ALDH1A2: variants seen among roughly 807,000 people sequenced by gnomAD.
ALDH1A2 encodes retinal dehydrogenase 2.
ALDH1A2 carries 27 observed loss-of-function variants against 60.3 expected under a neutral mutation model. The observed-to-expected ratio is 0.45, with a 90% confidence interval of 0.33 to 0.62. The LOEUF (loss-of-function observed/expected upper bound fraction) is 0.62, where lower values mean the gene tolerates loss of function less well. Ranked by LOEUF, ALDH1A2 falls within the 20% of genes least tolerant of loss-of-function variation. The pLI is 0.02. For synonymous variants in ALDH1A2, 289 were observed against 232.4 expected (o/e 1.24, Z -2.21); for missense variants, 581 against 643.8 (o/e 0.90, Z 1.06).
rs568753354 is a variant in ALDH1A2, at chr15:57,958,583, G to A, written c.1484+2187C>T. Among the ~76,000 whole-genome samples the A allele has an allele frequency of 9.8e-5, 15 of 152,296 alleles. No individual in the cohort carries two copies. In the South Asian group the frequency reaches 1.5e-3, roughly 15 times the overall value. ...GATGTTTCTGGAAGTGCCACTTCACGTCTCTGCTCCTCTTAGGGATAGACA... is the reference window on the plus strand; with the variant it reads ...GATGTTTCTGGAAGTGCCACTTCACATCTCTGCTCCTCTTAGGGATAGACA... On this transcript the variant is annotated intron_variant, in intron 12 of 12. Coordinates refer to ENST00000249750, the MANE Select transcript of ALDH1A2 (RefSeq NM_003888.4).
In ALDH1A2 at chr15:57,967,140, G is replaced by GA. The variant is rs1362496450; in HGVS notation, c.799-1314dup. On this transcript the variant is annotated intron_variant, in intron 7 of 12. Transcript: ENST00000249750. ...GCAGGCAGCGGAGAACCCCAGCTAG[G>GA]AGAAAAGGCTCTGGAGCCAGACTGC... 9.9e-5 allele frequency among the ~76,000 whole-genome samples: 15 copies of GA among 151,702 alleles called. No homozygotes were observed. The East Asian group carries it at 1.2e-3, about 12-fold the overall frequency.
intron 1 of ALDH1A2, among the ~76,000 whole-genome samples, chr15:58,050,370 A>G (rs902863248): frequency 6.6e-6 from 1 of 152,136 alleles, no homozygotes; most frequent in African/African-American, 2.4e-5. Flanking sequence ...TGCCCGTTTT[A>G]GCAAATAAAA....
intron 7 of ALDH1A2, among the ~76,000 whole-genome samples, chr15:57,977,781 T>A (rs1434829860): frequency 1.3e-5 from 2 of 151,738 alleles, no homozygotes; most frequent in Non-Finnish European, 2.9e-5. Context: ...CGGGATAGCA[T>A]TGAATTTATA....
At chr15:57,977,106 T>C (rs1272166477) in intron 7 of ALDH1A2, among the ~76,000 whole-genome samples, 1 of 152,180 alleles carries the variant, frequency 6.6e-6, no homozygotes, top group Non-Finnish European at 1.5e-5. Flanking sequence ...GTTTTTTTTT[T>C]TTTCTTGTAA....
intron 1 of ALDH1A2, among the ~76,000 whole-genome samples, chr15:58,055,019 G>C (rs1166262327): frequency 1.3e-5 from 2 of 152,094 alleles, no homozygotes; most frequent in African/African-American, 2.4e-5. Flanking sequence ...TGAAATATGG[G>C]ATTTGTAGTT....
rs1267700444 is a variant in ALDH1A2 at position 57,955,111 on chromosome 15, C to G, written c.*86G>C. The G allele has an allele frequency of 2.1e-6, 3 of 1,398,676 alleles. No individual in the cohort carries two copies. Among genetic ancestry groups the G allele is most frequent in the East Asian group, 2.3e-5 (1 of 43,852 alleles). The allele number at this position is 1,398,676 out of a possible 1,614,324, so 86.6% of individuals were successfully genotyped here. A position where few individuals can be genotyped will look rare whatever the true frequency, so the allele number is the denominator to read the frequency against. ...TCTTTAAGTAAGGACCGTGGCTCAA[C>G]TTTGTATTCCTGAGAGCTGGGCCCT... On this transcript the variant is annotated 3_prime_UTR_variant, in exon 13 of 13. Transcript: ENST00000249750.
At chr15:58,059,356 G>A (rs185278648) in intron 1 of ALDH1A2, among the ~76,000 whole-genome samples, 3 of 152,146 alleles carry the variant, frequency 2.0e-5, no homozygotes, top group African/African-American at 4.8e-5. Flanking sequence ...AAATAGCCAC[G>A]GCCTGGTGCT....
Position 57,965,765 on chromosome 15 carries a change from A to C in ALDH1A2, c.861T>G (p.Leu287=), listed in dbSNP as rs1194856632. ...AAATAATATTAGGACTTTTGCCTCC[A>C]AGTTCCAGAGTTACTCTCTTCAAAT... is the stretch of plus-strand genomic sequence containing the variant. The part of the protein sequence containing the change: ...RSNLKRVTLE[L]GGKSPNIIFA... Residue 287 remains leucine, a synonymous_variant, in exon 8 of 13, where the codon CTT becomes CTG. Coordinates refer to ENST00000249750, the MANE Select transcript of ALDH1A2 (RefSeq NM_003888.4). 6.2e-7 allele frequency: 1 copy of C among 1,614,186 alleles called. No individual in the cohort carries two copies. The highest frequency in any genetic ancestry group is 8.5e-7 in the Non-Finnish European group (1 of 1,180,000).
rs530206956 is a variant in ALDH1A2, at chr15:58,013,847, A to T, written c.363+11T>A. The T allele has an allele frequency of 4.3e-6, 7 of 1,614,158 alleles. No individual in the cohort carries two copies. The African/African-American group carries it at 5.3e-5, about 12-fold the overall frequency. ...TGGGTTAAAGACTTAATGTTTTCTT[A>T]GGTTACTTACTGCAAGAACTGCCCT... On this transcript the variant is annotated intron_variant, in intron 3 of 12. Transcript: ENST00000249750.
intron 7 of ALDH1A2, among the ~76,000 whole-genome samples, chr15:57,990,875 C>CAAAA (rs34227301): frequency 9.8e-5 from 11 of 111,784 alleles, no homozygotes; most frequent in South Asian, 3.2e-4. Flanking sequence ...AACTCCATCT[C>CAAAA]AAAAAAAAAA....
chr15:58,030,421 A>G (rs1199830702), intron 1 of ALDH1A2, among the ~76,000 whole-genome samples: 1 of 152,190 alleles, frequency 6.6e-6, no homozygotes, highest in Non-Finnish European at 1.5e-5. Context: ...TGACAAACTC[A>G]CAGCCAATAT....
chr15:58,041,091 T>C (rs989333407), intron 1 of ALDH1A2, among the ~76,000 whole-genome samples: 4 of 151,918 alleles, frequency 2.6e-5, no homozygotes, highest in African/African-American at 9.7e-5. Context: ...CATTTCAAAA[T>C]AAATTAATCA....
chr15:57,976,141 CG>C (rs1894248882), intron 7 of ALDH1A2, among the ~76,000 whole-genome samples: 1 of 152,218 alleles, frequency 6.6e-6, no homozygotes, highest in Admixed American at 6.5e-5. Context: ...AAGGAAACTA[CG>C]TAACATTTTT....
At chr15:58,044,344 C>G (rs1896589587) in intron 1 of ALDH1A2, among the ~76,000 whole-genome samples, 1 of 151,842 alleles carries the variant, frequency 6.6e-6, no homozygotes, top group South Asian at 2.1e-4. Flanking sequence ...TGTGATGTTC[C>G]CCTCCCTGTG....
intron 7 of ALDH1A2, among the ~76,000 whole-genome samples, chr15:57,991,775 T>A (rs1485517525): frequency 1.3e-5 from 2 of 152,238 alleles, no homozygotes; most frequent in African/African-American, 2.4e-5. Flanking sequence ...ATGACAAATG[T>A]TGCTCTCATT....
At position 58,060,279 on chromosome 15, in the gene ALDH1A2, AAT is replaced by A. The variant is rs759388503; in HGVS notation, c.117+5253_117+5254del. 2.4e-3 allele frequency among the ~76,000 whole-genome samples: 370 copies of A among 152,152 alleles called. 3 individuals carry two copies. The highest frequency in any genetic ancestry group is 8.7e-3 in the African/African-American group (361 of 41,494). On this transcript the variant is annotated intron_variant, in intron 1 of 12. Coordinates refer to ENST00000249750, the MANE Select transcript of ALDH1A2 (RefSeq NM_003888.4). ...TGGTTTCCATTAATTTAGATCTCTA[AAT>A]ATATATATAGTCATCACTTTGCAAA...
intron 7 of ALDH1A2, among the ~76,000 whole-genome samples, chr15:57,990,854 CA>C (rs1894873245): frequency 4.6e-5 from 3 of 65,724 alleles, no homozygotes; most frequent in Non-Finnish European, 8.9e-5. Flanking sequence ...CCAGCCTGGG[CA>C]AAAGAGTGAA....
intron 1 of ALDH1A2, among the ~76,000 whole-genome samples, chr15:58,038,159 C>T (rs1322132170): frequency 5.3e-5 from 8 of 151,606 alleles, no homozygotes; most frequent in African/African-American, 1.9e-4. Context: ...CCTTTCTTAT[C>T]TCTTTCAACA....
Position 57,955,151 on chromosome 15 carries a change from G to C in ALDH1A2, c.*46C>G. ...AGCTGGGCCCTACAGAGAAAGCAGA[G>C]AGGGACAGACGTGCAGGCTGGGCTT... On this transcript the variant is annotated 3_prime_UTR_variant, in exon 13 of 13. Coordinates refer to ENST00000249750, the MANE Select transcript of ALDH1A2 (RefSeq NM_003888.4). 1.3e-6 allele frequency: 2 copies of C among 1,571,848 alleles called. No homozygotes were observed. The highest frequency in any genetic ancestry group is 1.8e-6 in the Non-Finnish European group (2 of 1,141,480).
Sources: gnomAD v4.1 joint callset for allele counts (sites outside exome capture counted in the v4.1 genomes callset) on GRCh38, gnomAD v4.1.1 for gene constraint, MANE v1.5 for transcripts, NCBI Gene and HGNC (gene_info 2026-07-23, HGNC 2026-07-21) for gene names.